The following NACC2 variants were observed in gnomAD, a reference collection of about 807,000 sequenced individuals.
The protein encoded by NACC2 is NACC family member 2.
In NACC2, 8 loss-of-function variants were observed where a neutral mutation model predicts 25.1. That is an observed-to-expected ratio of 0.32 (90% CI 0.19 to 0.57). The LOEUF (loss-of-function observed/expected upper bound fraction) is 0.57. Ranked by LOEUF, NACC2 falls within the 20% of genes least tolerant of loss-of-function variation. The pLI, the probability that NACC2 is intolerant of heterozygous loss-of-function variation, is 0.89. For missense variants in NACC2, 644 were observed against 650.2 expected, an observed-to-expected ratio of 0.99 and a Z score of 0.10; for synonymous variants, 435 against 294.7, an observed-to-expected ratio of 1.48 and a Z score of -4.88.
chr9:136,081,909 C>T (rs986589209), intron 1 of NACC2, among the ~76,000 whole-genome samples: 2 of 152,126 alleles, frequency 1.3e-5, no homozygotes, highest in African/African-American at 4.8e-5. Context: ...TCTCGCAGTC[C>T]AGCCCACCTG....
At chr9:136,061,859 A>C (rs7866192) in intron 1 of NACC2, among the ~76,000 whole-genome samples, 142,543 of 152,170 alleles carry the variant, frequency 0.94, 67,407 homozygotes, top group East Asian at 1. Flanking sequence ...GTGGCTCACA[A>C]CTGTAATCCC....
chr9:136,024,578 G>T (rs571243485), intron 2 of NACC2, among the ~76,000 whole-genome samples: 70 of 152,200 alleles, frequency 4.6e-4, no homozygotes, highest in African/African-American at 1.6e-3. Context: ...GAGTGTGTGT[G>T]TAAGGACAGA....
chr9:136,090,347 G>A (rs186375831), intron 1 of NACC2, among the ~76,000 whole-genome samples: 7 of 152,310 alleles, frequency 4.6e-5, no homozygotes, highest in Non-Finnish European at 7.4e-5. Context: ...GACCGCCGCA[G>A]AAGAACCAAG....
Position 136,011,093 on chromosome 9 carries a change from G to A in NACC2, c.*423C>T. On this transcript the variant is annotated 3_prime_UTR_variant, in exon 6 of 6. Transcript: ENST00000277554. Reference sequence around the variant, plus strand: ...AGAGGTTCCATGGGGAAGGAAGGAAGGGTCAGTGACGCACAGCCCAGCCCC... The same window carrying A: ...AGAGGTTCCATGGGGAAGGAAGGAAAGGTCAGTGACGCACAGCCCAGCCCC... The A allele has an allele frequency of 6.4e-6, 1 of 155,936 alleles. No homozygotes were observed. The highest frequency in any genetic ancestry group is 1.4e-5 in the Non-Finnish European group (1 of 70,684). 9.7% of individuals were successfully genotyped at this position (155,936 alleles called of 1,614,324 possible). A position where few individuals can be genotyped will look rare whatever the true frequency, so the allele number is the denominator to read the frequency against.
chr9:136,053,102 G>A (rs1015001767), intron 1 of NACC2, among the ~76,000 whole-genome samples: 4 of 152,216 alleles, frequency 2.6e-5, no homozygotes, highest in Non-Finnish European at 4.4e-5. Flanking sequence ...CACCACCCTC[G>A]GGGTAACCCT....
At chr9:136,085,836 G>T (rs544324541) in intron 1 of NACC2, among the ~76,000 whole-genome samples, 115 of 152,366 alleles carry the variant, frequency 7.5e-4, no homozygotes, top group African/African-American at 2.6e-3. Context: ...GGTGGGGTAG[G>T]TCCCTCCACA....
chr9:136,013,173 C>CCCCCCCCCCA lies in NACC2; in HGVS notation c.1255+25_1255+26insTGGGGGGGGG. On this transcript the variant is annotated intron_variant, in intron 5 of 5. Coordinates refer to ENST00000277554, the MANE Select transcript of NACC2 (RefSeq NM_144653.5). This position sits in a 1 kb window ranked among gnomAD's most constrained non-coding sequence, Gnocchi z 6.6. The stretch of plus-strand genomic sequence containing the variant: ...ATCTGAACCCAGCCCCGGCCCCACC[C>CCCCCCCCCCA]ACCCGAGAGACCCCCAGGCTCTTAC... 7.8e-7 allele frequency: 1 copy of CCCCCCCCCCA among 1,281,022 alleles called. No individual in the cohort carries two copies. 79.4% of individuals were successfully genotyped at this position (1,281,022 alleles called of 1,614,324 possible).
chr9:136,094,061 C>T (rs1452512733), intron 1 of NACC2, among the ~76,000 whole-genome samples: 1 of 152,182 alleles, frequency 6.6e-6, no homozygotes, highest in African/African-American at 2.4e-5. Context: ...CCAAGGTGCA[C>T]GCGCTCCCGG....
intron 1 of NACC2, among the ~76,000 whole-genome samples, chr9:136,051,692 C>A (rs971607598): frequency 1.3e-4 from 20 of 152,196 alleles, no homozygotes; most frequent in Middle Eastern, 3.4e-3. Context: ...CCGCAGTGCC[C>A]CCGCTGCGGA....
chr9:136,040,122 G>GA (rs1227463546), intron 2 of NACC2, among the ~76,000 whole-genome samples: 2 of 152,100 alleles, frequency 1.3e-5, no homozygotes, highest in Admixed American at 1.3e-4. Context: ...GAGGCGGGTG[G>GA]ATTACAAGGT....
intron 1 of NACC2, among the ~76,000 whole-genome samples, chr9:136,070,661 G>A (rs1371507437): frequency 2.2e-5 from 2 of 90,686 alleles, no homozygotes; most frequent in Non-Finnish European, 4.6e-5. Flanking sequence ...CTCATCTCAA[G>A]GAATCAGAAA....
intron 1 of NACC2, among the ~76,000 whole-genome samples, chr9:136,087,577 T>C (rs889856917): frequency 6.6e-6 from 1 of 152,166 alleles, no homozygotes; most frequent in Non-Finnish European, 1.5e-5. Context: ...CTGGGAGCCC[T>C]CTCTGGGTCT....
chr9:136,053,638 AAC>A (rs1840881657), intron 1 of NACC2, among the ~76,000 whole-genome samples: 1 of 152,210 alleles, frequency 6.6e-6, no homozygotes, highest in Non-Finnish European at 1.5e-5. Context: ...GGGCCTGTGC[AAC>A]ACAGCACAGA....
chr9:136,049,543 G>A (rs1194855484), intron 2 of NACC2, 93 bp downstream of exon 2: 13 of 644,792 alleles, frequency 2.0e-5, no homozygotes, highest in South Asian at 1.4e-4. Context: ...TGGCCCCGCA[G>A]GCCTCCGGCC....
intron 2 of NACC2, among the ~76,000 whole-genome samples, chr9:136,046,564 G>A (rs1016078219): frequency 1.5e-3 from 229 of 152,346 alleles, no homozygotes; most frequent in African/African-American, 5.2e-3. Flanking sequence ...GCGTCCACCT[G>A]ATGGGGACCG....
intron 1 of NACC2, among the ~76,000 whole-genome samples, chr9:136,071,542 C>CAA (rs34087690): frequency 6.1e-4 from 51 of 83,260 alleles, no homozygotes; most frequent in African/African-American, 1.0e-3. Context: ...GACTCCATCT[C>CAA]AAAAAAAAAA....
intron 1 of NACC2, among the ~76,000 whole-genome samples, chr9:136,065,625 C>A (rs1176280053): frequency 6.6e-6 from 1 of 151,604 alleles, no homozygotes; most frequent in Non-Finnish European, 1.5e-5. Context: ...GTTTCAGATA[C>A]ATAAATAAGT....
In NACC2 at chr9:136,049,803, G is replaced by C. The variant is rs1418488911; in HGVS notation, c.719C>G (p.Pro240Arg). 1.3e-5 allele frequency: 10 copies of C among 754,192 alleles called. No individual in the cohort carries two copies. The highest frequency in any genetic ancestry group is 2.2e-5 in the Non-Finnish European group (9 of 404,946). 46.7% of individuals were successfully genotyped at this position (754,192 alleles called of 1,614,324 possible). Reference protein sequence around the residue: ...ATLIPGIQQMPYPQGERTSPG... With the variant: ...ATLIPGIQQMRYPQGERTSPG... ...ACTGGTCCGCTCCCCCTGGGGGTAG[G>C]GCATCTGCTGGATGCCGGGGATGAG... Residue 240 changes from proline (P) to arginine (R), a missense_variant, in exon 2 of 6, where the codon CCC (proline) becomes CGC (arginine). By Grantham distance (103) the Pro-to-Arg change is moderately radical. Coordinates refer to ENST00000277554, the MANE Select transcript of NACC2 (RefSeq NM_144653.5).
chr9:136,041,095 AAAGGAAAGGAAGG>A (rs57857076), intron 2 of NACC2, among the ~76,000 whole-genome samples: 3 of 146,342 alleles, frequency 2.0e-5, no homozygotes, highest in Non-Finnish European at 3.0e-5. Context: ...GAAGCAAAGG[AAAGGAAAGGAAGG>A]AAGGAAAGGA....
Sources: allele counts gnomAD v4.1 joint callset (sites outside exome capture counted in the v4.1 genomes callset), GRCh38; gene constraint gnomAD v4.1.1; non-coding constraint Gnocchi (gnomAD v3.1); transcripts MANE v1.5; gene names NCBI Gene and HGNC (gene_info 2026-07-23, HGNC 2026-07-21).